Variants in PRDM5 observed in about 807,000 individuals in gnomAD.
The protein encoded by PRDM5 is PR/SET domain 5.
PRDM5 carries 56 observed loss-of-function variants against 81.2 expected under a neutral mutation model. The observed-to-expected ratio is 0.69, with a 90% CI of 0.56 to 0.86. The LOEUF (loss-of-function observed/expected upper bound fraction) is 0.86, where lower values mean the gene tolerates loss of function less well. Ranked by LOEUF, PRDM5 falls within the 40% of genes least tolerant of loss-of-function variation. The pLI is 0.00. For synonymous variants in PRDM5, 267 were observed against 256.4 expected (o/e 1.04, Z -0.39); for missense variants, 697 against 770.1 (o/e 0.91, Z 1.12).
At chr4:120,871,882 G>A (rs539826196) in intron 2 of PRDM5, among the ~76,000 whole-genome samples, 39 of 152,142 alleles carry the variant, frequency 2.6e-4, no homozygotes, top group African/African-American at 7.5e-4. Context: ...AGCCAGGTGC[G>A]TGGCTCACGC....
chr4:120,799,016 C>A (rs1436133402), intron 9 of PRDM5, among the ~76,000 whole-genome samples: 1 of 152,102 alleles, frequency 6.6e-6, no homozygotes, highest in Non-Finnish European at 1.5e-5. Context: ...CAACAACTTG[C>A]ATATTCAAAA....
chr4:120,822,410 G>C (rs1169833733), intron 3 of PRDM5, among the ~76,000 whole-genome samples: 2 of 152,176 alleles, frequency 1.3e-5, no homozygotes, highest in African/African-American at 4.8e-5. Context: ...ATAAAGCACA[G>C]AGCACAGAAC....
At chr4:120,775,946 C>T (rs1748087425) in intron 13 of PRDM5, among the ~76,000 whole-genome samples, 1 of 152,114 alleles carries the variant, frequency 6.6e-6, no homozygotes, top group Non-Finnish European at 1.5e-5. Context: ...TAGTTCCTTA[C>T]TTATGTACCA....
chr4:120,851,153 A>T (rs2149414251), intron 3 of PRDM5, among the ~76,000 whole-genome samples: 1 of 152,258 alleles, frequency 6.6e-6, no homozygotes. Flanking sequence ...AGGCAATAGG[A>T]AGACATTTCT....
At chr4:120,864,534 C>A (rs1760990355) in intron 2 of PRDM5, among the ~76,000 whole-genome samples, 1 of 152,114 alleles carries the variant, frequency 6.6e-6, no homozygotes, top group South Asian at 2.1e-4. Context: ...AATCCTCTTC[C>A]CACACATCCA....
chr4:120,807,117 C>T (rs1166796770), intron 8 of PRDM5, among the ~76,000 whole-genome samples: 1 of 152,180 alleles, frequency 6.6e-6, no homozygotes, highest in African/African-American at 2.4e-5. Context: ...CATCACTGGC[C>T]ATCAGAGAAA....
intron 1 of PRDM5, among the ~76,000 whole-genome samples, chr4:120,913,949 AC>A (rs1766794348): frequency 6.6e-6 from 1 of 152,144 alleles, no homozygotes; most frequent in Non-Finnish European, 1.5e-5. Flanking sequence ...CTGAAGAGAG[AC>A]CCATTTGCCT....
intron 14 of PRDM5, among the ~76,000 whole-genome samples, chr4:120,727,365 A>T (rs1423291994): frequency 1.3e-5 from 2 of 152,142 alleles, no homozygotes; most frequent in African/African-American, 4.8e-5. Flanking sequence ...GTAATGAAAA[A>T]GGTTTGACTT....
chr4:120,914,365 G>GA (rs1328119388), intron 1 of PRDM5, among the ~76,000 whole-genome samples: 1 of 151,974 alleles, frequency 6.6e-6, no homozygotes, highest in Non-Finnish European at 1.5e-5. Context: ...AATCTCAAGT[G>GA]AAAACCATGA....
At chr4:120,877,864 C>A (rs1234849720) in intron 2 of PRDM5, among the ~76,000 whole-genome samples, 1 of 152,088 alleles carries the variant, frequency 6.6e-6, no homozygotes, top group Non-Finnish European at 1.5e-5. Context: ...GTGTTTACTG[C>A]CCAGGAACTC....
chr4:120,745,939 G>C (rs1343333007), intron 14 of PRDM5, among the ~76,000 whole-genome samples: 201 of 131,362 alleles, frequency 1.5e-3, no homozygotes, highest in South Asian at 2.7e-3. Context: ...CTACTTTAAA[G>C]TTCATATGGA....
chr4:120,857,282 C>T (rs1041267011), intron 2 of PRDM5, among the ~76,000 whole-genome samples: 3 of 152,102 alleles, frequency 2.0e-5, no homozygotes, highest in South Asian at 2.1e-4. Context: ...CACTTGAACC[C>T]GGGAGGCAGA....
chr4:120,849,718 AT>A (rs1759050206), intron 3 of PRDM5, among the ~76,000 whole-genome samples: 1 of 152,176 alleles, frequency 6.6e-6, no homozygotes, highest in African/African-American at 2.4e-5. Context: ...AAGAACAGAA[AT>A]TTTTAAGAGC....
intron 5 of PRDM5, 99 bp downstream of exon 5, chr4:120,818,254 G>A (rs543276825): frequency 4.3e-5 from 56 of 1,292,294 alleles, no homozygotes; most frequent in African/African-American, 2.4e-4. Context: ...GCGTGCGCGC[G>A]TGCACACACA....
intron 1 of PRDM5, among the ~76,000 whole-genome samples, chr4:120,686,070 C>A (rs970816352): frequency 1.3e-5 from 2 of 151,982 alleles, no homozygotes; most frequent in African/African-American, 4.8e-5. Flanking sequence ...TCTCTTGCTC[C>A]CGCTCTGGCC....
At chr4:120,766,074 C>T (rs1195419599) in intron 13 of PRDM5, among the ~76,000 whole-genome samples, 12 of 151,922 alleles carry the variant, frequency 7.9e-5, no homozygotes, top group Non-Finnish European at 1.6e-4. Flanking sequence ...ATTCTCCTGC[C>T]TCAGCCTCAT....
At chr4:120,758,387 C>A (rs545810011) in intron 13 of PRDM5, among the ~76,000 whole-genome samples, 1 of 152,102 alleles carries the variant, frequency 6.6e-6, no homozygotes, top group Non-Finnish European at 1.5e-5. Context: ...AAATCCTAAA[C>A]CCCAGTACCT....
At chr4:120,706,750 T>C (rs1436894566) in intron 15 of PRDM5, among the ~76,000 whole-genome samples, 2 of 102,370 alleles carry the variant, frequency 2.0e-5, no homozygotes, top group Non-Finnish European at 4.3e-5. Flanking sequence ...ATGTCCATTA[T>C]ATAAATTTTA....
chr4:120,781,747 G>T (rs1017076326), intron 11 of PRDM5, among the ~76,000 whole-genome samples: 4 of 152,148 alleles, frequency 2.6e-5, no homozygotes, highest in Admixed American at 1.3e-4. Flanking sequence ...GAATTGGATT[G>T]TAGGTAGAGA....
Sources: allele counts gnomAD v4.1 joint callset (sites outside exome capture counted in the v4.1 genomes callset), GRCh38; gene constraint gnomAD v4.1.1; transcripts MANE v1.5; gene names NCBI Gene and HGNC (gene_info 2026-07-23, HGNC 2026-07-21).